Variants in NAA16 observed in about 807,000 individuals in gnomAD.
The protein encoded by NAA16 is N-alpha-acetyltransferase 16, NatA auxiliary subunit.
A neutral mutation model predicts 110.3 loss-of-function variants in NAA16; 97 were observed. That is an observed-to-expected ratio of 0.88 (90% CI 0.75 to 1.04). The LOEUF (loss-of-function observed/expected upper bound fraction) is 1.04, where lower values mean the gene tolerates loss of function less well. NAA16 is among the 50% of genes least tolerant of loss of function. The probability of loss-of-function intolerance (pLI) is 0.00; values close to 1 mark genes in which losing one functional copy is unlikely to be tolerated. For synonymous variants in NAA16, 372 were observed against 330.6 expected, an observed-to-expected ratio of 1.13 and a Z score of -1.36; for missense variants, 1,017 against 1,005.1, an observed-to-expected ratio of 1.01 and a Z score of -0.16.
At chr13:41,316,612 C>T (rs868438627) in intron 1 of NAA16, among the ~76,000 whole-genome samples, 1 of 152,066 alleles carries the variant, frequency 6.6e-6, no homozygotes, top group South Asian at 2.1e-4. Context: ...GCCACATTTC[C>T]TGTTTTTTAA....
intron 5 of NAA16, among the ~76,000 whole-genome samples, chr13:41,323,933 C>T (rs575408102): frequency 1.0e-3 from 155 of 152,174 alleles, no homozygotes; most frequent in Non-Finnish European, 1.2e-3. Flanking sequence ...TAATCTTGAC[C>T]CTGTCTGGAG....
chr13:41,367,772 G>C, intron 14 of NAA16, 120 bp downstream of exon 14: 1 of 653,908 alleles, frequency 1.5e-6, no homozygotes. Context: ...ACAAACATTA[G>C]ATAACTCATA....
chr13:41,358,768 C>T, intron 11 of NAA16, 42 bp from the exon 12 acceptor site: 1 of 1,532,890 alleles, frequency 6.5e-7, no homozygotes, highest in African/African-American at 1.4e-5. Flanking sequence ...TACTCATATT[C>T]TCTTGATTAT....
rs1382377295 is a variant in NAA16 at position 41,373,718 on chromosome 13, T to TG, written c.2239dup (p.Glu747GlyfsTer4). ...CAGAAAATATTTGTCAAAAAGGATT[T>TG]GGAAAGTTTTAATGAGGATTTTCTG... On this transcript the variant is annotated frameshift_variant, in exon 18 of 20. Transcript: ENST00000379406. LOFTEE classifies it high-confidence loss of function. 6.2e-7 allele frequency: 1 copy of TG among 1,610,984 alleles called. No homozygotes were observed. Among genetic ancestry groups the TG allele is most frequent in the Non-Finnish European group, 8.5e-7 (1 of 1,178,940 alleles).
intron 7 of NAA16, 38 bp from the exon 8 acceptor site, chr13:41,331,236 T>G: frequency 7.9e-7 from 1 of 1,269,816 alleles, no homozygotes; most frequent in Non-Finnish European, 1.1e-6. Context: ...GATAAAAGTT[T>G]TGATGCTATG....
intron 17 of NAA16, 125 bp from the exon 18 acceptor site, chr13:41,373,512 C>A (rs1374017059): frequency 5.3e-6 from 6 of 1,128,684 alleles, no homozygotes; most frequent in Admixed American, 3.8e-5. Flanking sequence ...CCTGCCTCAG[C>A]CTCCCAAAGT....
At chr13:41,353,381 G>T (rs1453498085) in intron 9 of NAA16, among the ~76,000 whole-genome samples, 3 of 151,696 alleles carry the variant, frequency 2.0e-5, no homozygotes, top group East Asian at 1.9e-4. Flanking sequence ...CTTTAATTTT[G>T]CTTAAAAAAA....
intron 10 of NAA16, among the ~76,000 whole-genome samples, chr13:41,355,420 G>A (rs1272988416): frequency 1.3e-5 from 2 of 151,942 alleles, no homozygotes; most frequent in African/African-American, 2.4e-5. Context: ...AACCTTGTGC[G>A]GTTTTTTTGT....
chr13:41,363,844 G>C (rs2043159336), intron 13 of NAA16, among the ~76,000 whole-genome samples: 1 of 151,994 alleles, frequency 6.6e-6, no homozygotes, highest in Non-Finnish European at 1.5e-5. Context: ...AACAAGAAAA[G>C]AACCTACTCT....
intron 1 of NAA16, among the ~76,000 whole-genome samples, chr13:41,311,840 C>T (rs996789442): frequency 7.9e-5 from 12 of 152,232 alleles, no homozygotes; most frequent in Non-Finnish European, 2.9e-5. Context: ...CCAGAAACTT[C>T]ACGCCGCTCT....
chr13:41,329,819 T>TA (rs2042187803), intron 7 of NAA16, among the ~76,000 whole-genome samples: 1 of 152,034 alleles, frequency 6.6e-6, no homozygotes. Context: ...TTACGATTTA[T>TA]AAAAATATTT....
intron 15 of NAA16, among the ~76,000 whole-genome samples, chr13:41,371,797 T>A (rs1448621391): frequency 1.3e-5 from 2 of 152,210 alleles, no homozygotes; most frequent in Non-Finnish European, 2.9e-5. Flanking sequence ...ATGCTCATGT[T>A]GTTCATGGGT....
intron 15 of NAA16, among the ~76,000 whole-genome samples, chr13:41,370,848 C>T (rs73181103): frequency 0.012 from 1,782 of 152,208 alleles, 12 homozygotes; most frequent in Non-Finnish European, 0.016. Flanking sequence ...GGATTTTCAA[C>T]GCTGTGGAAG....
At chr13:41,314,566 C>T (rs1270045892) in intron 1 of NAA16, among the ~76,000 whole-genome samples, 1 of 152,210 alleles carries the variant, frequency 6.6e-6, no homozygotes, top group East Asian at 1.9e-4. Context: ...CTAATTCCTT[C>T]CACATCCAGC....
At chr13:41,367,189 T>C (rs542490826) in intron 13 of NAA16, among the ~76,000 whole-genome samples, 16 of 152,264 alleles carry the variant, frequency 1.1e-4, no homozygotes, top group Admixed American at 6.5e-4. Flanking sequence ...ATCTTTTGAC[T>C]TATATAGAAG....
At chr13:41,315,610 AT>A (rs1385435541) in intron 1 of NAA16, among the ~76,000 whole-genome samples, 2 of 152,138 alleles carry the variant, frequency 1.3e-5, no homozygotes, top group African/African-American at 4.8e-5. Flanking sequence ...TAAGTAAGAG[AT>A]TACAAATTTT....
rs760402977 is a variant in NAA16 at position 41,362,737 on chromosome 13, C to T, written c.1539+578C>T. 8.5e-6 allele frequency: 11 copies of T among 1,289,758 alleles called. No homozygotes were observed. The South Asian group carries it at 1.1e-4, about 13-fold the overall frequency. The allele number at this position is 1,289,758 out of a possible 1,614,324, so 79.9% of individuals were successfully genotyped here. On this transcript the variant is annotated intron_variant, in intron 13 of 19. Coordinates refer to ENST00000379406, the MANE Select transcript of NAA16 (RefSeq NM_024561.5). ...TTCTTTGTCATCTCTGAAGCACTCT[C>T]CTTCCACATGGACCACAGGAGGAAA...
chr13:41,337,782 C>T (rs1256250583), intron 9 of NAA16, among the ~76,000 whole-genome samples: 1 of 151,986 alleles, frequency 6.6e-6, no homozygotes, highest in Non-Finnish European at 1.5e-5. Flanking sequence ...ATTTATTTAG[C>T]TTTGATTCAT....
intron 7 of NAA16, 70 bp from the exon 8 acceptor site, chr13:41,331,204 A>G: frequency 1.1e-6 from 1 of 892,488 alleles, no homozygotes; most frequent in Non-Finnish European, 1.8e-6. Flanking sequence ...AAATTTTAGA[A>G]GTTTGTTAGC....
Sources: gnomAD v4.1 joint callset for allele counts (sites outside exome capture counted in the v4.1 genomes callset) on GRCh38, gnomAD v4.1.1 for gene constraint, MANE v1.5 for transcripts, NCBI Gene and HGNC (gene_info 2026-07-23, HGNC 2026-07-21) for gene names.